The following GPC3 variants were observed in gnomAD, a reference collection of about 807,000 sequenced individuals.
The protein encoded by GPC3 is glypican-3.
In GPC3, 3 loss-of-function variants were observed where a neutral mutation model predicts 34.4. The observed-to-expected ratio is 0.09, with a 90% confidence interval of 0.04 to 0.23. The LOEUF (loss-of-function observed/expected upper bound fraction) is 0.23, where lower values mean the gene tolerates loss of function less well. Among genes scored for constraint, GPC3 ranks in the 10% least tolerant of loss-of-function variants. The pLI is 1.00. For missense variants in GPC3, 351 were observed against 445.6 expected (o/e 0.79, Z 1.91); for synonymous variants, 177 against 174.0 (o/e 1.02, Z -0.13).
intron 1 of GPC3, among the ~76,000 whole-genome samples, chrX:133,977,825 T>C (rs1426398617): frequency 8.9e-6 from 1 of 112,547 alleles, no homozygotes; most frequent in Non-Finnish European, 1.9e-5. Flanking sequence ...AATTGAAAGT[T>C]TGGCCTAATG....
intron 7 of GPC3, among the ~76,000 whole-genome samples, chrX:133,559,927 T>TTC (rs770655436): frequency 1.2e-4 from 13 of 111,444 alleles, no homozygotes; most frequent in Non-Finnish European, 2.4e-4. Flanking sequence ...TCCTGTCTCT[T>TTC]TCTCTCTCTC....
chrX:133,982,610 C>A (rs1362864503), intron 1 of GPC3, among the ~76,000 whole-genome samples: 1 of 112,084 alleles, frequency 8.9e-6, no homozygotes, highest in Non-Finnish European at 1.9e-5. Context: ...CAGGCTAACC[C>A]AATTCTGCTA....
chrX:133,951,987 G>A (rs1382215284), intron 2 of GPC3, among the ~76,000 whole-genome samples: 9 of 111,009 alleles, frequency 8.1e-5, no homozygotes, highest in African/African-American at 9.8e-5. Flanking sequence ...TTTTCTATCT[G>A]ACCTCGATCC....
chrX:133,703,965 T>C (rs1183648473), intron 3 of GPC3, among the ~76,000 whole-genome samples: 1 of 112,248 alleles, frequency 8.9e-6, no homozygotes, highest in Non-Finnish European at 1.9e-5. Flanking sequence ...GCTGATGAGA[T>C]AGAAGAAAAA....
At chrX:133,737,134 T>C (rs961994018) in intron 3 of GPC3, among the ~76,000 whole-genome samples, 1 of 112,345 alleles carries the variant, frequency 8.9e-6, no homozygotes, top group African/African-American at 3.2e-5. Flanking sequence ...ATTCCAACTA[T>C]GTGACATTCT....
Position 133,767,601 on chromosome X carries a change from A to G in GPC3, c.338-13425T>C, listed in dbSNP as rs187688433. Among the ~76,000 whole-genome samples, 4 of 111,302 alleles carry G rather than the reference A, an allele frequency of 3.6e-5. No individual in the cohort carries two copies. In the East Asian group the frequency reaches 1.1e-3, roughly 31 times the overall value. On this transcript the variant is annotated intron_variant, in intron 2 of 7. Coordinates refer to ENST00000370818, the MANE Select transcript of GPC3 (RefSeq NM_004484.4). ...TCAGTTTCCTGCAGGGTATTCCAAC[A>G]CATGAAACACAGGGAGGATGAAGGC...
At chrX:133,888,756 C>T (rs1569450600) in intron 2 of GPC3, among the ~76,000 whole-genome samples, 1 of 112,339 alleles carries the variant, frequency 8.9e-6, no homozygotes. Context: ...AACACTATAT[C>T]CTGCCCACAA....
At chrX:133,861,871 T>G (rs2075938154) in intron 2 of GPC3, among the ~76,000 whole-genome samples, 1 of 111,864 alleles carries the variant, frequency 8.9e-6, no homozygotes, top group African/African-American at 3.3e-5. Flanking sequence ...CAATGCTTCC[T>G]GTACAGCCTG....
At chrX:133,645,369 A>T (rs1479342958) in intron 6 of GPC3, among the ~76,000 whole-genome samples, 1 of 111,511 alleles carries the variant, frequency 9.0e-6, no homozygotes, top group African/African-American at 3.3e-5. Context: ...ACTGGGGAGG[A>T]AAGCTTATCA....
Position 133,786,625 on chromosome X carries a change from C to A in GPC3, c.338-32449G>T, listed in dbSNP as rs1772442450. Among the ~76,000 whole-genome samples, 3 of 112,011 alleles carry A rather than the reference C, an allele frequency of 2.7e-5. No homozygotes were observed. The South Asian group carries it at 1.1e-3, about 42-fold the overall frequency. ...TATGCACTGGGAGAAGTGAGTGGAGCCATGGGGAATGGTAGCTTATGCAGG... is the reference window on the plus strand; with the variant it reads ...TATGCACTGGGAGAAGTGAGTGGAGACATGGGGAATGGTAGCTTATGCAGG... On this transcript the variant is annotated intron_variant, in intron 2 of 7. Coordinates refer to ENST00000370818, the MANE Select transcript of GPC3 (RefSeq NM_004484.4).
At chrX:133,931,036 C>T (rs1178325026) in intron 2 of GPC3, among the ~76,000 whole-genome samples, 1 of 111,661 alleles carries the variant, frequency 9.0e-6, no homozygotes, top group Non-Finnish European at 1.9e-5. Flanking sequence ...GACTGAGAGA[C>T]CAGGCACTCA....
intron 2 of GPC3, among the ~76,000 whole-genome samples, chrX:133,827,944 C>CAAAAAAAAAA (rs760699432): frequency 2.8e-5 from 1 of 36,025 alleles, no homozygotes; most frequent in African/African-American, 1.2e-4. Context: ...AACTCCATCC[C>CAAAAAAAAAA]AAAAAAAAAA....
At chrX:133,909,986 A>T (rs1003485510) in intron 2 of GPC3, among the ~76,000 whole-genome samples, 3 of 111,830 alleles carry the variant, frequency 2.7e-5, no homozygotes, top group Non-Finnish European at 5.6e-5. Flanking sequence ...AGCAGATACT[A>T]TGCCCAAAAT....
At chrX:133,686,098 A>C (rs1442948704) in intron 5 of GPC3, among the ~76,000 whole-genome samples, 1 of 112,117 alleles carries the variant, frequency 8.9e-6, no homozygotes, top group East Asian at 2.8e-4. Flanking sequence ...ATAAGCCTCA[A>C]AGTCACTAGG....
intron 1 of GPC3, among the ~76,000 whole-genome samples, chrX:133,973,003 G>A (rs1355178885): frequency 9.0e-6 from 1 of 110,963 alleles, no homozygotes; most frequent in Admixed American, 9.7e-5. Context: ...GAAGTCATGG[G>A]AATGGATGTG....
At chrX:133,604,511 C>T (rs2070025003) in intron 6 of GPC3, among the ~76,000 whole-genome samples, 1 of 111,394 alleles carries the variant, frequency 9.0e-6, no homozygotes, top group African/African-American at 3.3e-5. Flanking sequence ...ACTATCTCAT[C>T]ATGAACAGGT....
intron 7 of GPC3, among the ~76,000 whole-genome samples, chrX:133,571,340 C>T (rs1342027567): frequency 9.0e-6 from 1 of 111,592 alleles, no homozygotes; most frequent in African/African-American, 3.3e-5. Flanking sequence ...AGGTTGGCTA[C>T]TTTTTTTGGG....
chrX:133,811,344 A>T (rs921780625), intron 2 of GPC3, among the ~76,000 whole-genome samples: 1 of 112,144 alleles, frequency 8.9e-6, no homozygotes, highest in Non-Finnish European at 1.9e-5. Context: ...AAGGTTGAGT[A>T]GGGGAGCACA....
chrX:133,914,944 A>AATATATATATAT lies in GPC3; in HGVS notation c.337+38094_337+38105dup, dbSNP rs35086661. 8.3e-3 allele frequency among the ~76,000 whole-genome samples: 412 copies of AATATATATATAT among 49,893 alleles called. 9 individuals carry two copies. The highest frequency in any genetic ancestry group is 0.027 in the African/African-American group (274 of 10,010). The allele number at this position is 49,893 out of a possible 115,157, so 43.3% of individuals were successfully genotyped here. The stretch of plus-strand genomic sequence containing the variant: ...TTATGTATTTTTTCATCAAACTGGA[A>AATATATATATAT]ATATATATATATATATATATATATA... On this transcript the variant is annotated intron_variant, in intron 2 of 7. Coordinates refer to ENST00000370818, the MANE Select transcript of GPC3 (RefSeq NM_004484.4).
Sources: gnomAD v4.1 joint callset for allele counts (sites outside exome capture counted in the v4.1 genomes callset) on GRCh38, gnomAD v4.1.1 for gene constraint, MANE v1.5 for transcripts, NCBI Gene and HGNC (gene_info 2026-07-23, HGNC 2026-07-21) for gene names.